Variants in CNR1 observed in about 807,000 individuals in gnomAD.
CNR1 encodes the protein cannabinoid receptor 1, also known as cannabinoid receptor 1 (brain).
A neutral mutation model predicts 23.0 loss-of-function variants in CNR1; 10 were observed. The ratio of observed to expected loss-of-function variants is 0.43; its 90% CI spans 0.27 to 0.74. The LOEUF is 0.74. Ranked by LOEUF, CNR1 falls within the 30% of genes least tolerant of loss-of-function variation. The probability of loss-of-function intolerance (pLI) is 0.19; values close to 1 mark genes in which losing one functional copy is unlikely to be tolerated. For missense variants in CNR1, 422 were observed against 618.8 expected (o/e 0.68, Z 3.37); for synonymous variants, 271 against 255.2 (o/e 1.06, Z -0.59).
intron 1 of CNR1, among the ~76,000 whole-genome samples, chr6:88,161,325 T>C (rs1778094412): frequency 6.6e-6 from 1 of 152,234 alleles, no homozygotes. Flanking sequence ...CATGCCCATT[T>C]GCTCGGGTTT....
At chr6:88,153,294 T>G (rs568469256) in intron 1 of CNR1, among the ~76,000 whole-genome samples, 40 of 152,362 alleles carry the variant, frequency 2.6e-4, no homozygotes, top group Non-Finnish European at 5.1e-4. Flanking sequence ...AGTTGTTGTT[T>G]TTTTTAATGT....
intron 1 of CNR1, among the ~76,000 whole-genome samples, chr6:88,152,142 G>C (rs143763399): frequency 0.045 from 6,754 of 150,582 alleles, 221 homozygotes; most frequent in Non-Finnish European, 0.068. Context: ...GTGAACCCGG[G>C]AGGCGGAGCT....
At chr6:88,165,705 A>C (rs1053258429) in intron 1 of CNR1, 98 bp downstream of exon 1, 1 of 152,528 alleles carries the variant, frequency 6.6e-6, no homozygotes, top group Admixed American at 6.5e-5. Context: ...CACACGGAAT[A>C]AGAACTCCAC....
chr6:88,157,832 G>A (rs1015264236), intron 1 of CNR1, among the ~76,000 whole-genome samples: 1 of 152,054 alleles, frequency 6.6e-6, no homozygotes, highest in African/African-American at 2.4e-5. Flanking sequence ...TATTATTGTA[G>A]GGACTAAAAT....
intron 1 of CNR1, among the ~76,000 whole-genome samples, chr6:88,149,471 A>G (rs1040422506): frequency 2.6e-5 from 4 of 152,196 alleles, no homozygotes; most frequent in Non-Finnish European, 5.9e-5. Context: ...TTACATATGG[A>G]AAGTTTTCAT....
chr6:88,165,639 TCA>T (rs766433676), intron 1 of CNR1, among the ~76,000 whole-genome samples, 162 bp downstream of exon 1: 20 of 152,136 alleles, frequency 1.3e-4, no homozygotes, highest in Non-Finnish European at 2.6e-4. Flanking sequence ...GTAGAACAGA[TCA>T]CAGTTAACAG....
intron 1 of CNR1, among the ~76,000 whole-genome samples, chr6:88,160,446 T>C (rs1234039911): frequency 6.7e-6 from 1 of 149,722 alleles, no homozygotes; most frequent in Non-Finnish European, 1.5e-5. Context: ...TTTTTTTTTT[T>C]TTTTTTGAGG....
chr6:88,159,578 G>T (rs1250833040), intron 1 of CNR1, among the ~76,000 whole-genome samples: 1 of 152,146 alleles, frequency 6.6e-6, no homozygotes, highest in African/African-American at 2.4e-5. Flanking sequence ...ATAATTCAAA[G>T]ATTTCTCCTT....
rs1474204939 is a variant in CNR1, at chr6:88,165,862, G to A, written c.-123C>T. The stretch of plus-strand genomic sequence containing the variant: ...CCTTGGCACCTCTCGCCCAGCTCAG[G>A]GGCTGGTTGTCCGCTAGAACGAAAT... On this transcript the variant is annotated 5_prime_UTR_variant, in exon 1 of 2. Transcript: ENST00000369501. 1 of 152,460 alleles carries A rather than the reference G, an allele frequency of 6.6e-6. No individual in the cohort carries two copies. The highest frequency in any genetic ancestry group is 2.4e-5 in the African/African-American group (1 of 41,474). 9.4% of individuals were successfully genotyped at this position (152,460 alleles called of 1,614,324 possible). A position where few individuals can be genotyped will look rare whatever the true frequency, so the allele number is the denominator to read the frequency against.
intron 1 of CNR1, among the ~76,000 whole-genome samples, chr6:88,149,019 T>C (rs1777370539): frequency 6.6e-6 from 1 of 152,110 alleles, no homozygotes; most frequent in Admixed American, 6.5e-5. Flanking sequence ...GCAACTGTCA[T>C]AGAATAAAGC....
Position 88,143,722 on chromosome 6 carries a change from G to C in CNR1, c.*134C>G. 1.4e-6 allele frequency: 1 copy of C among 694,494 alleles called. No individual in the cohort carries two copies. Among genetic ancestry groups the C allele is most frequent in the East Asian group, 2.5e-5 (1 of 40,322 alleles). 43.0% of individuals were successfully genotyped at this position (694,494 alleles called of 1,614,324 possible). A position where few individuals can be genotyped will look rare whatever the true frequency, so the allele number is the denominator to read the frequency against. On this transcript the variant is annotated 3_prime_UTR_variant, in exon 2 of 2. Coordinates refer to ENST00000369501, the MANE Select transcript of CNR1 (RefSeq NM_016083.6). ...TGGAAACATTAGCAAACTGATAAGT[G>C]ATCATGGTGACAATCACCTTTTCAT...
At position 88,144,576 on chromosome 6, in the gene CNR1, G is replaced by A. The variant is rs201816774; in HGVS notation, c.699C>T (p.Ala233=). Residue 233 remains alanine, a synonymous_variant, in exon 2 of 2, where the codon GCC becomes GCT. Coordinates refer to ENST00000369501, the MANE Select transcript of CNR1 (RefSeq NM_016083.6). This position sits in a 1 kb window ranked among gnomAD's most constrained non-coding sequence, Gnocchi z 7.8. ...AYKRIVTRPK[A]VVAFCLMWTI... ...TCCACATCAGGCAAAACGCCACCAC[G>A]GCCTTGGGCCTGGTGACAATCCTCT... 1.4e-5 allele frequency: 22 copies of A among 1,614,192 alleles called. No individual in the cohort carries two copies. Among genetic ancestry groups the A allele is most frequent in the South Asian group, 8.8e-5 (8 of 91,086 alleles).
In CNR1 at chr6:88,142,145, C is replaced by A. The variant is rs1027136651; in HGVS notation, c.*1711G>T. ...GGAGAGATTTGTTCCTTAGCCCAAA[C>A]CTACCAAGACAGAGCTGGGTGCTCA... On this transcript the variant is annotated 3_prime_UTR_variant, in exon 2 of 2. Coordinates refer to ENST00000369501, the MANE Select transcript of CNR1 (RefSeq NM_016083.6). The A allele has an allele frequency of 1.3e-5, 2 of 152,298 alleles. No individual in the cohort carries two copies. Among genetic ancestry groups the A allele is most frequent in the Non-Finnish European group, 2.9e-5 (2 of 68,042 alleles). 9.4% of individuals were successfully genotyped at this position (152,298 alleles called of 1,614,324 possible).
At position 88,144,346 on chromosome 6, in the gene CNR1, T is replaced by A; in HGVS notation, c.929A>T (p.Gln310Leu). 1 of 1,613,730 alleles carries A rather than the reference T, an allele frequency of 6.2e-7. No homozygotes were observed. Among genetic ancestry groups the A allele is most frequent in the African/African-American group, 1.3e-5 (1 of 75,024 alleles). Residue 310 changes from glutamine (Q) to leucine (L), a missense_variant, in exon 2 of 2, where the codon CAG (glutamine) becomes CTG (leucine). By Grantham distance (113) the Gln-to-Leu change is moderately radical. This residue lies in a region of CNR1 where 211 missense variants were observed against 357.3 expected (regional missense o/e 0.59). Transcript: ENST00000369501. The surrounding 1 kb of genome is among the most constrained non-coding windows in gnomAD (Gnocchi z 7.8). ...GATGATGCTCTTCTGGGTGCCACGC[T>A]GAATCATGCGGACGGCGTGGCTGTG... ...KAHSHAVRMI[Q>L]RGTQKSIIIH...
intron 1 of CNR1, among the ~76,000 whole-genome samples, chr6:88,154,671 C>T (rs556387554): frequency 3.2e-4 from 48 of 152,250 alleles, no homozygotes; most frequent in African/African-American, 1.1e-3. Flanking sequence ...CTCCACCTCC[C>T]GAATTCAAGT....
At chr6:88,158,045 G>A (rs1421594658) in intron 1 of CNR1, among the ~76,000 whole-genome samples, 2 of 152,114 alleles carry the variant, frequency 1.3e-5, no homozygotes, top group Admixed American at 6.6e-5. Context: ...TACTTTAGTC[G>A]AAATGTTTAG....
chr6:88,147,454 A>T (rs1477677500), intron 1 of CNR1, among the ~76,000 whole-genome samples: 1 of 152,226 alleles, frequency 6.6e-6, no homozygotes, highest in Non-Finnish European at 1.5e-5. Context: ...GGGCTGAAGG[A>T]GGTTTCCCCA....
At chr6:88,156,619 G>A (rs1164630762) in intron 1 of CNR1, among the ~76,000 whole-genome samples, 1 of 152,200 alleles carries the variant, frequency 6.6e-6, no homozygotes, top group Non-Finnish European at 1.5e-5. Flanking sequence ...GCATTGCTGA[G>A]CCATCCTGTA....
intron 1 of CNR1, among the ~76,000 whole-genome samples, chr6:88,162,017 C>T (rs1352251102): frequency 6.6e-6 from 1 of 152,080 alleles, no homozygotes; most frequent in Non-Finnish European, 1.5e-5. Context: ...TGTCTTAAAC[C>T]CATCAGTGTT....
Sources: allele counts gnomAD v4.1 joint callset (sites outside exome capture counted in the v4.1 genomes callset), GRCh38; gene constraint gnomAD v4.1.1; regional missense constraint gnomAD v4.1.1; non-coding constraint Gnocchi (gnomAD v3.1); transcripts MANE v1.5; gene names NCBI Gene and HGNC (gene_info 2026-07-23, HGNC 2026-07-21).